The following NCKIPSD variants were observed in gnomAD, a reference collection of about 807,000 sequenced individuals.
NCKIPSD encodes NCK interacting protein with SH3 domain, also known as NCK-interacting protein with SH3 domain.
In NCKIPSD, 48 loss-of-function variants were observed where a neutral mutation model predicts 73.4. The observed-to-expected ratio is 0.65, with a 90% CI of 0.52 to 0.83. NCKIPSD has a LOEUF of 0.83. Among genes scored for constraint, NCKIPSD ranks in the 40% least tolerant of loss-of-function variants. The pLI is 0.00. For synonymous variants in NCKIPSD, 422 were observed against 403.6 expected (o/e 1.05, Z -0.54); for missense variants, 884 against 970.2 (o/e 0.91, Z 1.18).
chr3:48,681,831 A>G, intron 4 of NCKIPSD, 51 bp from the exon 5 acceptor site: 3 of 1,458,900 alleles, frequency 2.1e-6, no homozygotes, highest in South Asian at 1.4e-5. Context: ...GGAAAACCAT[A>G]CCCTTCACAG....
At chr3:48,678,758 G>C (rs200022611) in intron 11 of NCKIPSD, 22 bp from the exon 12 acceptor site, 1 of 1,611,828 alleles carries the variant, frequency 6.2e-7, no homozygotes, top group Non-Finnish European at 8.5e-7. Context: ...GGGTCATAGC[G>C]GTCAGGGTGG....
At chr3:48,681,167 G>A (rs754831631) in intron 5 of NCKIPSD, 120 bp downstream of exon 5, 3 of 1,425,104 alleles carry the variant, frequency 2.1e-6, no homozygotes, top group Non-Finnish European at 2.8e-6. Flanking sequence ...CCAGTGCCCA[G>A]CACAGTAAGA....
Position 48,679,904 on chromosome 3 carries a change from G to A in NCKIPSD, c.1264-17C>T. 4 of 1,614,150 alleles carry A rather than the reference G, an allele frequency of 2.5e-6. No homozygotes were observed. Among genetic ancestry groups the A allele is most frequent in the Non-Finnish European group, 3.4e-6 (4 of 1,180,008 alleles). On this transcript the variant is annotated splice_polypyrimidine_tract_variant and intron_variant, in intron 6 of 12. Transcript: ENST00000294129. ...TGCATCAGTCTACAGAAATGAGGAA[G>A]TGAGAGCATCAGCCACCATGAGCGG...
chr3:48,685,552 G>C (rs1228987275), intron 1 of NCKIPSD, 85 bp downstream of exon 1: 9 of 1,423,320 alleles, frequency 6.3e-6, no homozygotes, highest in Non-Finnish European at 8.3e-6. Context: ...CCCGGAGAGG[G>C]TGGGGTCCCT....
intron 6 of NCKIPSD, 80 bp downstream of exon 6, chr3:48,679,979 C>T (rs2077324304): frequency 6.2e-7 from 1 of 1,606,972 alleles, no homozygotes; most frequent in Non-Finnish European, 8.5e-7. Flanking sequence ...GTAGGGGAGA[C>T]TCCTAGCACT....
intron 5 of NCKIPSD, 43 bp from the exon 6 acceptor site, chr3:48,680,272 C>T (rs780174486): frequency 5.8e-5 from 88 of 1,527,522 alleles, no homozygotes; most frequent in Non-Finnish European, 6.8e-5. Context: ...ACTCCCTGCC[C>T]TCACCATCTC....
At chr3:48,679,771 C>T (rs2077318037) in intron 7 of NCKIPSD, 30 bp downstream of exon 7, 1 of 1,614,220 alleles carries the variant, frequency 6.2e-7, no homozygotes. Context: ...TAGGTCTCTC[C>T]ATTACCCCTC....
At chr3:48,684,019 C>CACACACACACACAGAGAG (rs563262573) in intron 1 of NCKIPSD, among the ~76,000 whole-genome samples, 1 of 141,258 alleles carries the variant, frequency 7.1e-6, no homozygotes, top group African/African-American at 2.8e-5. Flanking sequence ...CACACACACA[C>CACACACACACACAGAGAG]AGAGAGAGAG....
intron 1 of NCKIPSD, 54 bp from the exon 2 acceptor site, chr3:48,683,066 G>A: frequency 6.5e-7 from 1 of 1,543,168 alleles, no homozygotes; most frequent in Non-Finnish European, 8.7e-7. Context: ...GAGGTGCTCA[G>A]CCCAGGCCCA....
At chr3:48,679,310 C>A in intron 9 of NCKIPSD, 67 bp downstream of exon 9, 2 of 1,610,908 alleles carry the variant, frequency 1.2e-6, no homozygotes, top group Admixed American at 1.7e-5. Context: ...TCAGCAGGTC[C>A]CAGGCCCTCG....
rs989196763 is a variant in NCKIPSD at position 48,682,389 on chromosome 3, G to C, written c.445C>G (p.Pro149Ala). Residue 149 changes from proline to alanine, a missense_variant, in exon 3 of 13, where the codon CCC (proline) becomes GCC (alanine). By Grantham distance (27) the Pro-to-Ala change is conservative. Coordinates refer to ENST00000294129, the MANE Select transcript of NCKIPSD (RefSeq NM_016453.4). Reference protein sequence around the residue: ...RAGFERQHSLPSSEHLGADGG... With the variant: ...RAGFERQHSLASSEHLGADGG... ...TCTGCCCCAAGATGCTCAGAACTGG[G>C]TAGGCTGTGCTGCCGCTCGAACCCA... 8.7e-6 allele frequency: 14 copies of C among 1,613,996 alleles called. No homozygotes were observed. The highest frequency in any genetic ancestry group is 1.7e-5 in the Admixed American group (1 of 60,004).
chr3:48,679,775 A>AC (rs745498354), intron 7 of NCKIPSD, 26 bp downstream of exon 7: 29 of 1,613,840 alleles, frequency 1.8e-5, no homozygotes, highest in Non-Finnish European at 2.0e-5. Context: ...TCTCTCCATT[A>AC]CCCCTCCCCT....
Position 48,682,976 on chromosome 3 carries a change from C to G in NCKIPSD, c.208G>C (p.Ala70Pro), listed in dbSNP as rs1481313590. 1 of 1,551,550 alleles carries G rather than the reference C, an allele frequency of 6.4e-7. No individual in the cohort carries two copies. Among genetic ancestry groups the G allele is most frequent in the Non-Finnish European group, 8.7e-7 (1 of 1,147,580 alleles). The change falls in exon 2 of 13, where the codon GCC becomes CCC. Residue 70 changes from alanine (A) to proline (P), a missense_variant. Transcript: ENST00000294129. Reference protein sequence around the residue: ...EQDVLQAIDRAIEAVHNTAMR... With the variant: ...EQDVLQAIDRPIEAVHNTAMR... ...GCTGTGTTGTGTACAGCCTCGATGG[C>G]CCGGTCAATGGCCTGGAGGACATCC...
At chr3:48,678,517 TCA>T (rs771584761) in intron 12 of NCKIPSD, 45 bp downstream of exon 12, 11 of 1,555,120 alleles carry the variant, frequency 7.1e-6, no homozygotes, top group Middle Eastern at 2.3e-4. Context: ...CCATTTTGTT[TCA>T]GTTTCCACAC....
At chr3:48,682,285 A>T (rs1575568287) in intron 3 of NCKIPSD, 63 bp downstream of exon 3, 1 of 1,600,280 alleles carries the variant, frequency 6.2e-7, no homozygotes, top group African/African-American at 1.3e-5. Context: ...GGACCCCTTG[A>T]GCCTCTGGAT....
At chr3:48,679,739 T>G in intron 7 of NCKIPSD, 26 bp from the exon 8 acceptor site, 1 of 1,614,170 alleles carries the variant, frequency 6.2e-7, no homozygotes, top group South Asian at 1.1e-5. Context: ...GCGTGCTCAG[T>G]GCCTGGAACT....
At chr3:48,677,989 C>T (rs1333330203) in intron 12 of NCKIPSD, among the ~76,000 whole-genome samples, 3 of 152,184 alleles carry the variant, frequency 2.0e-5, no homozygotes, top group African/African-American at 7.2e-5. Flanking sequence ...ATTCAAAACA[C>T]GACTCTCTAT....
At chr3:48,682,850 C>T (rs1395376985) in intron 2 of NCKIPSD, 53 bp downstream of exon 2, 2 of 1,521,334 alleles carry the variant, frequency 1.3e-6, no homozygotes, top group African/African-American at 2.8e-5. Flanking sequence ...ATTGAAGAAC[C>T]CCACCCCACC....
chr3:48,684,053 G>T (rs1350177922), intron 1 of NCKIPSD, among the ~76,000 whole-genome samples: 3 of 151,946 alleles, frequency 2.0e-5, no homozygotes, highest in Non-Finnish European at 4.4e-5. Flanking sequence ...TGGGGAAAGA[G>T]AGGAGCTCAG....
Sources: gnomAD v4.1 joint callset for allele counts (sites outside exome capture counted in the v4.1 genomes callset) on GRCh38, gnomAD v4.1.1 for gene constraint, MANE v1.5 for transcripts, NCBI Gene and HGNC (gene_info 2026-07-23, HGNC 2026-07-21) for gene names.